ANKRD27: variants seen among roughly 807,000 people sequenced by gnomAD.
The protein encoded by ANKRD27 is ankyrin repeat domain 27.
Under a neutral mutation model 129.7 loss-of-function variants are expected in ANKRD27, and 112 were observed. The observed-to-expected ratio is 0.86, with a 90% CI of 0.74 to 1.01. The LOEUF (loss-of-function observed/expected upper bound fraction) is 1.01. Ranked by LOEUF, ANKRD27 falls within the 50% of genes least tolerant of loss-of-function variation. The probability of loss-of-function intolerance (pLI) is 0.00; values close to 1 mark genes in which losing one functional copy is unlikely to be tolerated. For synonymous variants in ANKRD27, 516 were observed against 511.2 expected, an observed-to-expected ratio of 1.01 and a Z score of -0.13; for missense variants, 1,258 against 1,300.5, an observed-to-expected ratio of 0.97 and a Z score of 0.50.
In ANKRD27 at chr19:32,614,430, G is replaced by A. The variant is rs1266026633; in HGVS notation, c.2175+1228C>T. On this transcript the variant is annotated intron_variant, in intron 22 of 28. Transcript: ENST00000306065. ...CTGTAAAAGAACAAGGAGGCCAGGC[G>A]CAGCGGCTCACACCTGTAATCCCAG... is the stretch of plus-strand genomic sequence containing the variant. Among the ~76,000 whole-genome samples, 3 of 152,174 alleles carry A rather than the reference G, an allele frequency of 2.0e-5. No individual in the cohort carries two copies. The East Asian group carries it at 5.8e-4, about 29-fold the overall frequency.
At chr19:32,649,248 T>C (rs997742306) in intron 3 of ANKRD27, among the ~76,000 whole-genome samples, 78 of 152,294 alleles carry the variant, frequency 5.1e-4, no homozygotes, top group African/African-American at 1.6e-3. Context: ...GCTAGAATTA[T>C]AGGCGTAGGC....
intron 12 of ANKRD27, chr19:32,637,966 G>A (rs1448393003): frequency 6.6e-6 from 1 of 152,366 alleles, no homozygotes; most frequent in Non-Finnish European, 1.5e-5. Flanking sequence ...GGTAGGGGCT[G>A]AGGGCAGCTC....
At chr19:32,634,895 A>G (rs1967062123) in intron 12 of ANKRD27, among the ~76,000 whole-genome samples, 2 of 152,194 alleles carry the variant, frequency 1.3e-5, no homozygotes, top group South Asian at 4.1e-4. Context: ...CGTCTGGGTG[A>G]CAGAGCGAGA....
At chr19:32,666,833 G>C (rs967553695) in intron 1 of ANKRD27, among the ~76,000 whole-genome samples, 1 of 151,884 alleles carries the variant, frequency 6.6e-6, no homozygotes, top group African/African-American at 2.4e-5. Flanking sequence ...TTTTAGTAGA[G>C]ACGGGGTTTC....
At chr19:32,610,591 A>G (rs1971820802) in intron 22 of ANKRD27, among the ~76,000 whole-genome samples, 1 of 151,918 alleles carries the variant, frequency 6.6e-6, no homozygotes. Flanking sequence ...CAGGAGTTTG[A>G]GACCAGCATG....
chr19:32,602,073 T>TCCC lies in ANKRD27; in HGVS notation c.2708_2709insGGG (p.Leu903_Asp904insGly). 1.2e-6 allele frequency: 2 copies of TCCC among 1,614,140 alleles called. No individual in the cohort carries two copies. The highest frequency in any genetic ancestry group is 8.5e-7 in the Non-Finnish European group (1 of 1,179,982). ...TGCGGTCAGTTTCAGCCACATCATCTAATGAAGCAACACAGCTTGGTACCA... is the reference window on the plus strand; with the variant it reads ...TGCGGTCAGTTTCAGCCACATCATCTCCCAATGAAGCAACACAGCTTGGTACCA... On this transcript the variant is annotated inframe_insertion, in exon 26 of 29. Transcript: ENST00000306065.
chr19:32,625,939 C>A lies in ANKRD27; in HGVS notation c.1564G>T (p.Ala522Ser), dbSNP rs368580184. The A allele has an allele frequency of 1.2e-4, 191 of 1,611,124 alleles. 1 individual carries two copies. Among genetic ancestry groups the A allele is most frequent in the Non-Finnish European group, 1.6e-4 (185 of 1,179,350 alleles). ...TTCCCATTGTTGTCCTGCACTTCCG[C>A]GCTGGCCTTGTAGTGCAGCAGCAGC... is the stretch of plus-strand genomic sequence containing the variant. ...TLLLLHYKAS[A>S]EVQDNNGNTP... is the part of the protein sequence containing the mutation. Residue 522 changes from alanine to serine, a missense_variant, in exon 17 of 29, where the codon GCG becomes TCG. Transcript: ENST00000306065.
At chr19:32,618,207 G>A (rs1971951752) in intron 20 of ANKRD27, among the ~76,000 whole-genome samples, 2 of 151,732 alleles carry the variant, frequency 1.3e-5, no homozygotes, top group African/African-American at 4.8e-5. Context: ...ATATTTATAT[G>A]TATATACATA....
chr19:32,617,631 T>C lies in ANKRD27; in HGVS notation c.2010A>G (p.Val670=), dbSNP rs1214199779. Residue 670 remains valine, a splice_region_variant and synonymous_variant, in exon 21 of 29, where the codon GTA becomes GTG. Coordinates refer to ENST00000306065, the MANE Select transcript of ANKRD27 (RefSeq NM_032139.3). ...CAGCAACTGCTCTCAAAAGTTTTTC[T>C]ACCTTAATAAAAGGAACAAGAATGT... The part of the protein sequence containing the change: ...QEETKKDYRE[V]EKLLRAVADG... 1 of 754,006 alleles carries C rather than the reference T, an allele frequency of 1.3e-6. No individual in the cohort carries two copies. The highest frequency in any genetic ancestry group is 1.9e-5 in the Admixed American group (1 of 53,456). 46.7% of individuals were successfully genotyped at this position (754,006 alleles called of 1,614,324 possible). A position where few individuals can be genotyped will look rare whatever the true frequency, so the allele number is the denominator to read the frequency against.
chr19:32,625,654 A>T (rs1452572268), intron 17 of ANKRD27, among the ~76,000 whole-genome samples: 1 of 151,936 alleles, frequency 6.6e-6, no homozygotes, highest in Admixed American at 6.6e-5. Flanking sequence ...CTGGTCTCGA[A>T]CTCCTGACCT....
rs897777529 is a variant in ANKRD27, at chr19:32,634,329, G to A, written c.1117-2835C>T. Among the ~76,000 whole-genome samples the A allele has an allele frequency of 5.9e-5, 9 of 152,294 alleles. No individual in the cohort carries two copies. The South Asian group carries it at 1.9e-3, about 32-fold the overall frequency. ...AGAATCACAACAACAAGGAAGCCAC[G>A]ACGCCTGCTCCGTCAATTACAGGCC... On this transcript the variant is annotated intron_variant, in intron 12 of 28. Transcript: ENST00000306065.
intron 11 of ANKRD27, among the ~76,000 whole-genome samples, chr19:32,640,024 C>T (rs1319588614): frequency 7.2e-5 from 11 of 152,020 alleles, no homozygotes; most frequent in Non-Finnish European, 1.0e-4. Context: ...TGCGGTGGCG[C>T]GATTTCAGCT....
chr19:32,664,577 C>A (rs1279513229), intron 1 of ANKRD27, among the ~76,000 whole-genome samples: 1 of 150,222 alleles, frequency 6.7e-6, no homozygotes, highest in Non-Finnish European at 1.5e-5. Flanking sequence ...GATTGTGCCA[C>A]TGCACTCCAG....
chr19:32,664,871 G>C (rs1368650966), intron 1 of ANKRD27, among the ~76,000 whole-genome samples: 1 of 132,360 alleles, frequency 7.6e-6, no homozygotes, highest in Non-Finnish European at 1.5e-5. Flanking sequence ...AGTGAGCTGA[G>C]ATTGCACCAC....
At chr19:32,634,232 C>T (rs1967049504) in intron 12 of ANKRD27, among the ~76,000 whole-genome samples, 1 of 152,174 alleles carries the variant, frequency 6.6e-6, no homozygotes, top group African/African-American at 2.4e-5. Context: ...ATAGCAATGA[C>T]TCTCTACATT....
At chr19:32,671,032 A>G (rs1428799726) in intron 1 of ANKRD27, among the ~76,000 whole-genome samples, 3 of 152,128 alleles carry the variant, frequency 2.0e-5, no homozygotes, top group African/African-American at 7.2e-5. Flanking sequence ...GCAGTGGCTC[A>G]CACCTGTAAT....
At chr19:32,615,411 T>C (rs1971900574) in intron 22 of ANKRD27, among the ~76,000 whole-genome samples, 1 of 152,060 alleles carries the variant, frequency 6.6e-6, no homozygotes, top group South Asian at 2.1e-4. Flanking sequence ...ACAGAAAGGC[T>C]GAGTCTCTAC....
intron 12 of ANKRD27, among the ~76,000 whole-genome samples, chr19:32,632,625 T>G (rs1967016865): frequency 6.7e-6 from 1 of 150,318 alleles, no homozygotes. Flanking sequence ...CTAGATACTT[T>G]CCATAATACT....
Position 32,604,416 on chromosome 19 carries a change from G to C in ANKRD27, c.2502C>G (p.Ala834=). 6.2e-7 allele frequency: 1 copy of C among 1,603,156 alleles called. No individual in the cohort carries two copies. The highest frequency in any genetic ancestry group is 8.5e-7 in the Non-Finnish European group (1 of 1,171,480). ...CCTTATTGTTAGAAGCGTTAATGGAGGCCCCGTGCTGGAAAGAGAAACCAC... is the reference window on the plus strand; with the variant it reads ...CCTTATTGTTAGAAGCGTTAATGGACGCCCCGTGCTGGAAAGAGAAACCAC... The part of the protein sequence containing the change: ...ELVALLLQHG[A]SINASNNKGN... Residue 834 remains alanine (A), a synonymous_variant, in exon 25 of 29, where the codon GCC becomes GCG. Transcript: ENST00000306065.
Sources: allele counts gnomAD v4.1 joint callset (sites outside exome capture counted in the v4.1 genomes callset), GRCh38; gene constraint gnomAD v4.1.1; transcripts MANE v1.5; gene names NCBI Gene and HGNC (gene_info 2026-07-23, HGNC 2026-07-21).